Variants in HCN2 observed in about 807,000 individuals in gnomAD.
The protein encoded by HCN2 is hyperpolarization activated cyclic nucleotide gated potassium and sodium channel 2.
Under a neutral mutation model 52.3 loss-of-function variants are expected in HCN2, and 20 were observed. The ratio of observed to expected loss-of-function variants is 0.38; its 90% CI spans 0.27 to 0.56. The LOEUF (loss-of-function observed/expected upper bound fraction) is 0.56, where lower values mean the gene tolerates loss of function less well. Ranked by LOEUF, HCN2 falls within the 20% of genes least tolerant of loss-of-function variation. The pLI, the probability that HCN2 is intolerant of heterozygous loss-of-function variation, is 0.71. For synonymous variants in HCN2, 694 were observed against 537.0 expected (o/e 1.29, Z -4.04); for missense variants, 981 against 1,207.7 (o/e 0.81, Z 2.78).
Position 616,507 on chromosome 19 carries a change from C to A in HCN2, c.*33C>A, listed in dbSNP as rs1480718964. On this transcript the variant is annotated 3_prime_UTR_variant, in exon 8 of 8. Coordinates refer to ENST00000251287, the MANE Select transcript of HCN2 (RefSeq NM_001194.4). The stretch of plus-strand genomic sequence containing the variant: ...CGACCGCCCCGCGGGCCCAGGCGGG[C>A]CGGGGGCGGGGCCGTCATCCAGACC... 1 of 1,189,188 alleles carries A rather than the reference C, an allele frequency of 8.4e-7. No homozygotes were observed. Among genetic ancestry groups the A allele is most frequent in the Non-Finnish European group, 1.0e-6 (1 of 953,970 alleles). 73.7% of individuals were successfully genotyped at this position (1,189,188 alleles called of 1,614,324 possible).
rs1983924676 is a variant in HCN2, at chr19:616,374, C to G, written c.2570C>G (p.Ala857Gly). Residue 857 changes from alanine (A) to glycine (G), a missense_variant, in exon 8 of 8, where the codon GCC becomes GGC. Coordinates refer to ENST00000251287, the MANE Select transcript of HCN2 (RefSeq NM_001194.4). Reference sequence around the variant, plus strand: ...GGGCCCACGCCCGCTGCCCGGGCCGCCGCGCCCAGCCCGGACCGCAGGGAC... The same window carrying G: ...GGGCCCACGCCCGCTGCCCGGGCCGGCGCGCCCAGCCCGGACCGCAGGGAC... Reference protein sequence around the residue: ...RLGPTPAARAAAPSPDRRDSA... With the variant: ...RLGPTPAARAGAPSPDRRDSA... The G allele has an allele frequency of 2.4e-5, 30 of 1,229,904 alleles. No homozygotes were observed. The highest frequency in any genetic ancestry group is 3.0e-5 in the Non-Finnish European group (29 of 976,306). 76.2% of individuals were successfully genotyped at this position (1,229,904 alleles called of 1,614,324 possible).
chr19:611,262 C>T lies in HCN2; in HGVS notation c.1584+857C>T, dbSNP rs543183018. On this transcript the variant is annotated intron_variant, in intron 5 of 7. Coordinates refer to ENST00000251287, the MANE Select transcript of HCN2 (RefSeq NM_001194.4). ...ATTGAGCGCCGACTGCGTGCCCTGC[C>T]GTGTGCTTGAAGGTCCCACCCTCAG... is the stretch of plus-strand genomic sequence containing the variant. 5.3e-5 allele frequency among the ~76,000 whole-genome samples: 8 copies of T among 152,356 alleles called. No individual in the cohort carries two copies. In the South Asian group the frequency reaches 1.5e-3, roughly 28 times the overall value.
At chr19:599,272 A>G (rs368000335) in intron 1 of HCN2, among the ~76,000 whole-genome samples, 1 of 152,214 alleles carries the variant, frequency 6.6e-6, no homozygotes, top group African/African-American at 2.4e-5. Context: ...TGGTGTTAAC[A>G]GCTTTTCCCT....
Position 592,845 on chromosome 19 carries a change from G to A in HCN2, c.632+2268G>A, listed in dbSNP as rs894899573. ...CCACAGCAAGCGAAGGGGCCTCTAC[G>A]TTTGCAGCTGACTCAGGAGCCTGGC... On this transcript the variant is annotated intron_variant, in intron 1 of 7. Coordinates refer to ENST00000251287, the MANE Select transcript of HCN2 (RefSeq NM_001194.4). The surrounding 1 kb of genome is among the most constrained non-coding windows in gnomAD (Gnocchi z 4.8). Among the ~76,000 whole-genome samples the A allele has an allele frequency of 6.6e-6, 1 of 152,170 alleles. No individual in the cohort carries two copies. The highest frequency in any genetic ancestry group is 1.5e-5 in the Non-Finnish European group (1 of 68,026).
Position 599,590 on chromosome 19 carries a change from T to C in HCN2, c.633-3954T>C, listed in dbSNP as rs373670741. 1.8e-3 allele frequency among the ~76,000 whole-genome samples: 262 copies of C among 147,978 alleles called. 4 individuals are homozygous for C. The South Asian group carries it at 0.029, about 16-fold the overall frequency. ...GTCAGGAGTTCGAGACCATCCTGGC[T>C]AACATGGTGAAACCCCGTCTCTACT... On this transcript the variant is annotated intron_variant, in intron 1 of 7. Coordinates refer to ENST00000251287, the MANE Select transcript of HCN2 (RefSeq NM_001194.4).
Position 617,083 on chromosome 19 carries a change from G to A in HCN2, c.*609G>A, listed in dbSNP as rs1050013854. 2.2e-5 allele frequency: 13 copies of A among 598,874 alleles called. No homozygotes were observed. The Admixed American group carries it at 3.0e-4, about 14-fold the overall frequency. The allele number at this position is 598,874 out of a possible 1,614,324, so 37.1% of individuals were successfully genotyped here. On this transcript the variant is annotated 3_prime_UTR_variant, in exon 8 of 8. Coordinates refer to ENST00000251287, the MANE Select transcript of HCN2 (RefSeq NM_001194.4). ...TGTACTGACGAGCCGAGGCAGCAGT[G>A]CCCCCACCGTGGCCCCCCACGCCCC...
chr19:592,613 G>GT lies in HCN2; in HGVS notation c.632+2037dup, dbSNP rs1345432854. Among the ~76,000 whole-genome samples the GT allele has an allele frequency of 6.6e-6, 1 of 152,178 alleles. No homozygotes were observed. The highest frequency in any genetic ancestry group is 1.5e-5 in the Non-Finnish European group (1 of 68,024). On this transcript the variant is annotated intron_variant, in intron 1 of 7. Coordinates refer to ENST00000251287, the MANE Select transcript of HCN2 (RefSeq NM_001194.4). The surrounding 1 kb of genome is among the most constrained non-coding windows in gnomAD (Gnocchi z 4.8). ...GCAGGGAATGGGGTTAGCGGGGCCT[G>GT]TCTTCGGGACTAGGGGAGTCACGGC... is the stretch of plus-strand genomic sequence containing the variant.
chr19:610,043 C>T (rs1466645530), intron 4 of HCN2, among the ~76,000 whole-genome samples: 3 of 152,152 alleles, frequency 2.0e-5, no homozygotes, highest in Non-Finnish European at 4.4e-5. Context: ...TTTGTCTGAC[C>T]CAGCCCTGAC....
intron 1 of HCN2, among the ~76,000 whole-genome samples, chr19:596,700 A>G (rs1037785944): frequency 3.9e-5 from 6 of 152,132 alleles, no homozygotes; most frequent in Non-Finnish European, 7.4e-5. Context: ...CTGGGTCCCT[A>G]TGGTGGCCGG....
Position 616,968 on chromosome 19 carries a change from C to T in HCN2, c.*494C>T. The T allele has an allele frequency of 2.2e-6, 1 of 454,930 alleles. No homozygotes were observed. The highest frequency in any genetic ancestry group is 4.5e-5 in the East Asian group (1 of 22,354). The allele number at this position is 454,930 out of a possible 1,614,324, so 28.2% of individuals were successfully genotyped here. ...GTCCCCCGGTGACCTCGGGGAGCAGCACCCCGCCTCCCTCCAGCACTGGCA... is the reference window on the plus strand; with the variant it reads ...GTCCCCCGGTGACCTCGGGGAGCAGTACCCCGCCTCCCTCCAGCACTGGCA... On this transcript the variant is annotated 3_prime_UTR_variant, in exon 8 of 8. Coordinates refer to ENST00000251287, the MANE Select transcript of HCN2 (RefSeq NM_001194.4).
intron 5 of HCN2, among the ~76,000 whole-genome samples, chr19:612,733 CTTTT>C (rs113702582): frequency 1.4e-4 from 20 of 141,748 alleles, no homozygotes; most frequent in Admixed American, 6.4e-4. Context: ...CCCCCATTTT[CTTTT>C]TTTTTTTTTT....
intron 3 of HCN2, among the ~76,000 whole-genome samples, chr19:606,531 T>A (rs4473315): frequency 0.44 from 66,051 of 151,368 alleles, 14,829 homozygotes; most frequent in East Asian, 0.61. Flanking sequence ...TGGCCCTGAA[T>A]TGGGAAAGTG....
At chr19:606,894 G>A (rs1458594811) in intron 3 of HCN2, among the ~76,000 whole-genome samples, 2 of 147,440 alleles carry the variant, frequency 1.4e-5, no homozygotes, top group Non-Finnish European at 3.0e-5. Context: ...GGAAGAGGCC[G>A]GGCGCGGTGG....
In HCN2 at chr19:590,244, G is replaced by A; in HGVS notation, c.299G>A (p.Gly100Asp). 1.0e-6 allele frequency: 1 copy of A among 988,386 alleles called. No homozygotes were observed. Among genetic ancestry groups the A allele is most frequent in the Non-Finnish European group, 1.2e-6 (1 of 833,520 alleles). 61.2% of individuals were successfully genotyped at this position (988,386 alleles called of 1,614,324 possible). Residue 100 changes from glycine to aspartate, a missense_variant, in exon 1 of 8, where the codon GGC becomes GAC. Around this residue, in one of 6 missense-constraint regions of HCN2, gnomAD observed 215 missense variants for 179.4 expected, o/e 1.20. Coordinates refer to ENST00000251287, the MANE Select transcript of HCN2 (RefSeq NM_001194.4). This position sits in a 1 kb window ranked among gnomAD's most constrained non-coding sequence, Gnocchi z 7.2. ...AGCACGGCCAAGGGCAGCCCGAACGGCGAGTGCGGGCGCGGCGAGCCGCAG... is the reference window on the plus strand; with the variant it reads ...AGCACGGCCAAGGGCAGCCCGAACGACGAGTGCGGGCGCGGCGAGCCGCAG... Reference protein sequence around the residue: ...AASTAKGSPNGECGRGEPQCS... With the variant: ...AASTAKGSPNDECGRGEPQCS...
Position 590,376 on chromosome 19 carries a change from C to T in HCN2, c.431C>T (p.Ala144Val). Residue 144 changes from alanine to valine, a missense_variant, in exon 1 of 8, where the codon GCG becomes GTG. This residue lies in a region of HCN2 where 215 missense variants were observed against 179.4 expected (regional missense o/e 1.20). Coordinates refer to ENST00000251287, the MANE Select transcript of HCN2 (RefSeq NM_001194.4). This position sits in a 1 kb window ranked among gnomAD's most constrained non-coding sequence, Gnocchi z 7.2. ...CCGGGGCCGGGGCCGGCGGAGGAGG[C>T]GGGCAGCGAGGAGGCGGGCCCGGCG... ...PAPGPGPAEE[A>V]GSEEAGPAGE... The T allele has an allele frequency of 2.5e-6, 3 of 1,188,220 alleles. No homozygotes were observed. In the South Asian group the frequency reaches 1.1e-4, roughly 43 times the overall value. 73.6% of individuals were successfully genotyped at this position (1,188,220 alleles called of 1,614,324 possible). A position where few individuals can be genotyped will look rare whatever the true frequency, so the allele number is the denominator to read the frequency against.
Position 616,491 on chromosome 19 carries a change from CGCGGGCCCAG to C in HCN2, c.*25_*34del. ...AACTTGTGACCCTCGCCGACCGCCC[CGCGGGCCCAG>C]GCGGGCCGGGGGCGGGGCCGTCATC... is the stretch of plus-strand genomic sequence containing the variant. On this transcript the variant is annotated 3_prime_UTR_variant, in exon 8 of 8. Transcript: ENST00000251287. 8.2e-7 allele frequency: 1 copy of C among 1,214,042 alleles called. No individual in the cohort carries two copies. Among genetic ancestry groups the C allele is most frequent in the African/African-American group, 1.6e-5 (1 of 61,430 alleles). The allele number at this position is 1,214,042 out of a possible 1,614,324, so 75.2% of individuals were successfully genotyped here.
rs760264293 is a variant in HCN2, at chr19:615,836, C to T, written c.2032C>T (p.Leu678Phe). 4 of 1,612,718 alleles carry T rather than the reference C, an allele frequency of 2.5e-6. No homozygotes were observed. Among genetic ancestry groups the T allele is most frequent in the East Asian group, 2.2e-5 (1 of 44,858 alleles). Residue 678 changes from leucine to phenylalanine, a missense_variant, in exon 8 of 8, where the codon CTC becomes TTC. Physicochemically the swap from Leu to Phe is conservative, Grantham distance 22 (BLOSUM62 0). Transcript: ENST00000251287. ...SILLHKVQHD[L>F]NSGVFNNQEN... is the part of the protein sequence containing the mutation. ...CCTCCTGCACAAGGTGCAGCATGAC[C>T]TCAACTCGGGCGTATTCAACAACCA...
At chr19:612,252 G>A (rs1041137516) in intron 5 of HCN2, among the ~76,000 whole-genome samples, 1 of 152,190 alleles carries the variant, frequency 6.6e-6, no homozygotes, top group Admixed American at 6.5e-5. Context: ...AAGCTGGAAC[G>A]TTCCTGCCGT....
chr19:606,544 A>G (rs1165833696), intron 3 of HCN2, among the ~76,000 whole-genome samples: 1 of 151,910 alleles, frequency 6.6e-6, no homozygotes, highest in Non-Finnish European at 1.5e-5. Context: ...GGAAAGTGGT[A>G]TCACCATGCC....
Sources: gnomAD v4.1 joint callset for allele counts (sites outside exome capture counted in the v4.1 genomes callset) on GRCh38, gnomAD v4.1.1 for gene constraint, gnomAD v4.1.1 regional missense constraint, Gnocchi (gnomAD v3.1) non-coding constraint, MANE v1.5 for transcripts, NCBI Gene and HGNC (gene_info 2026-07-23, HGNC 2026-07-21) for gene names.